COL24A1: variants seen among roughly 807,000 people sequenced by gnomAD.
COL24A1 encodes collagen type XXIV alpha 1 chain.
Under a neutral mutation model 253.9 loss-of-function variants are expected in COL24A1, and 224 were observed. That is an observed-to-expected ratio of 0.88 (90% CI 0.79 to 0.99). The LOEUF is 0.99. Ranked by LOEUF, COL24A1 falls within the 50% of genes least tolerant of loss-of-function variation. The pLI is 0.00. For missense variants in COL24A1, 2,131 were observed against 2,068.5 expected, an observed-to-expected ratio of 1.03 and a Z score of -0.59; for synonymous variants, 685 against 673.7, an observed-to-expected ratio of 1.02 and a Z score of -0.26.
At chr1:86,105,602 G>A (rs1209526893) in intron 5 of COL24A1, among the ~76,000 whole-genome samples, 2 of 152,052 alleles carry the variant, frequency 1.3e-5, no homozygotes, top group Non-Finnish European at 2.9e-5. Flanking sequence ...TCCCCTAGGG[G>A]AACAGTCTCC....
rs1281051632 is a variant in COL24A1, at chr1:86,003,189, T to C, written c.2310+13962A>G. On this transcript the variant is annotated intron_variant, in intron 19 of 59. Transcript: ENST00000370571. ...ACTATGCTTTTTGAGAAACAGTTTTTGGTGTTACTGGAACCTGGTAAAGGA... is the reference window on the plus strand; with the variant it reads ...ACTATGCTTTTTGAGAAACAGTTTTCGGTGTTACTGGAACCTGGTAAAGGA... 3.9e-5 allele frequency among the ~76,000 whole-genome samples: 6 copies of C among 152,298 alleles called. No homozygotes were observed. In the East Asian group the frequency reaches 1.2e-3, roughly 29 times the overall value.
intron 53 of COL24A1, among the ~76,000 whole-genome samples, chr1:85,769,220 G>T (rs1395799186): frequency 6.6e-6 from 1 of 152,076 alleles, no homozygotes; most frequent in Non-Finnish European, 1.5e-5. Flanking sequence ...GAGGGACACA[G>T]CATTAAAACA....
intron 3 of COL24A1, among the ~76,000 whole-genome samples, chr1:86,116,451 G>A (rs1706145887): frequency 6.6e-6 from 1 of 152,036 alleles, no homozygotes; most frequent in Non-Finnish European, 1.5e-5. Flanking sequence ...TTTCCAATAT[G>A]TGACAGTTTT....
At chr1:85,786,321 C>G in intron 48 of COL24A1, 33 bp downstream of exon 48, 1 of 1,586,638 alleles carries the variant, frequency 6.3e-7, no homozygotes, top group Non-Finnish European at 8.6e-7. Context: ...ATGGCCAATA[C>G]TGCTTACCCA....
In COL24A1 at chr1:86,101,863, C is replaced by T. The variant is rs1038451325; in HGVS notation, c.1600-9543G>A. Among the ~76,000 whole-genome samples the T allele has an allele frequency of 3.3e-5, 5 of 151,954 alleles. No individual in the cohort carries two copies. In the South Asian group the frequency reaches 1.0e-3, roughly 32 times the overall value. ...ACAGTTTTCTTTTCTTGTACCTCTG[C>T]CAGGTTTTAGTATCGGGATGATGCT... On this transcript the variant is annotated intron_variant, in intron 5 of 59. Coordinates refer to ENST00000370571, the MANE Select transcript of COL24A1 (RefSeq NM_152890.7).
chr1:86,026,402 T>C (rs1258875024), intron 14 of COL24A1, among the ~76,000 whole-genome samples: 1 of 152,146 alleles, frequency 6.6e-6, no homozygotes, highest in Non-Finnish European at 1.5e-5. Context: ...CAGGTGGACA[T>C]AATCAGATCA....
chr1:86,015,883 CTTTTTTTTTTT>C (rs34005326), intron 19 of COL24A1, among the ~76,000 whole-genome samples: 77 of 136,248 alleles, frequency 5.7e-4, no homozygotes, highest in Non-Finnish European at 9.5e-4. Context: ...TCTACTTTTT[CTTTTTTTTTTT>C]TTTTTTTGGA....
At chr1:85,804,062 A>C (rs1671707360) in intron 47 of COL24A1, among the ~76,000 whole-genome samples, 1 of 152,222 alleles carries the variant, frequency 6.6e-6, no homozygotes, top group African/African-American at 2.4e-5. Flanking sequence ...GAGATTCTGC[A>C]AAGAATATTG....
chr1:86,043,954 T>C (rs1571718905), intron 12 of COL24A1, among the ~76,000 whole-genome samples: 1 of 152,230 alleles, frequency 6.6e-6, no homozygotes, highest in East Asian at 1.9e-4. Flanking sequence ...CATTCAAATG[T>C]ATAGGTGTCA....
chr1:85,831,109 T>C (rs1157699798), intron 43 of COL24A1, among the ~76,000 whole-genome samples: 1 of 152,062 alleles, frequency 6.6e-6, no homozygotes, highest in African/African-American at 2.4e-5. Flanking sequence ...AGAGCTTCTA[T>C]ATAGCCCATG....
chr1:85,989,432 A>G (rs1026145513), intron 19 of COL24A1, among the ~76,000 whole-genome samples: 2 of 151,826 alleles, frequency 1.3e-5, no homozygotes, highest in African/African-American at 4.8e-5. Context: ...CTCCTAATTC[A>G]CTGTCAGTCT....
chr1:85,875,271 G>A lies in COL24A1; in HGVS notation c.3084+6C>T, dbSNP rs1571027201. 2 of 1,612,600 alleles carry A rather than the reference G, an allele frequency of 1.2e-6. No homozygotes were observed. The highest frequency in any genetic ancestry group is 1.3e-5 in the African/African-American group (1 of 74,972). The stretch of plus-strand genomic sequence containing the variant: ...AGAGATTCTCCTTTATTTTTTAGAA[G>A]GTTACCTTTGCACCTGGTTCACCTT... On this transcript the variant is annotated splice_donor_region_variant and intron_variant, in intron 34 of 59. Coordinates refer to ENST00000370571, the MANE Select transcript of COL24A1 (RefSeq NM_152890.7).
At chr1:85,804,949 CA>C (rs1292325306) in intron 47 of COL24A1, among the ~76,000 whole-genome samples, 1 of 151,938 alleles carries the variant, frequency 6.6e-6, no homozygotes, top group African/African-American at 2.4e-5. Context: ...TCATATCAAG[CA>C]ATCCTACTTC....
At chr1:85,867,335 C>A (rs17128439) in intron 37 of COL24A1, among the ~76,000 whole-genome samples, 9 of 152,180 alleles carry the variant, frequency 5.9e-5, no homozygotes, top group African/African-American at 2.2e-4. Context: ...CTTTACTGAG[C>A]CCCAATGTGG....
At chr1:86,117,798 T>G (rs1473080377) in intron 3 of COL24A1, among the ~76,000 whole-genome samples, 1 of 152,216 alleles carries the variant, frequency 6.6e-6, no homozygotes, top group African/African-American at 2.4e-5. Flanking sequence ...GATTATTTGT[T>G]ATTAAGAGAA....
chr1:85,740,832 G>A (rs12756841), intron 57 of COL24A1, among the ~76,000 whole-genome samples: 131,465 of 148,584 alleles, frequency 0.88, 59,034 homozygotes, highest in Non-Finnish European at 0.97. Context: ...TCCTAAGGCC[G>A]GGCACGGTGG....
intron 7 of COL24A1, among the ~76,000 whole-genome samples, chr1:86,065,552 A>G (rs1260332789): frequency 6.6e-6 from 1 of 152,134 alleles, no homozygotes; most frequent in Non-Finnish European, 1.5e-5. Flanking sequence ...CCTCAGCCCC[A>G]GGACTTGACA....
In COL24A1 at chr1:86,101,262, A is replaced by G. The variant is rs138937401; in HGVS notation, c.1600-8942T>C. On this transcript the variant is annotated intron_variant, in intron 5 of 59. Transcript: ENST00000370571. ...TGATCAATGACTTTGTTGAAGTTGTATATCAGCTTAAGGAGCTTTGGGTCC... is the reference window on the plus strand; with the variant it reads ...TGATCAATGACTTTGTTGAAGTTGTGTATCAGCTTAAGGAGCTTTGGGTCC... Among the ~76,000 whole-genome samples, 608 of 152,232 alleles carry G rather than the reference A, an allele frequency of 4.0e-3. 1 individual carries two copies. Among genetic ancestry groups the G allele is most frequent in the Non-Finnish European group, 6.2e-3 (423 of 67,982 alleles).
chr1:85,816,623 A>G (rs1378782150), intron 47 of COL24A1, among the ~76,000 whole-genome samples, 165 bp downstream of exon 47: 1 of 152,262 alleles, frequency 6.6e-6, no homozygotes, highest in Non-Finnish European at 1.5e-5. Context: ...ACCTATTGAC[A>G]GTTCCTGGAA....
Sources: allele counts gnomAD v4.1 joint callset (sites outside exome capture counted in the v4.1 genomes callset), GRCh38; gene constraint gnomAD v4.1.1; transcripts MANE v1.5; gene names NCBI Gene and HGNC (gene_info 2026-07-23, HGNC 2026-07-21).